GSE1: variants seen among roughly 807,000 people sequenced by gnomAD.
The protein encoded by GSE1 is Gse1 coiled-coil protein.
Under a neutral mutation model 112.6 loss-of-function variants are expected in GSE1, and 32 were observed. That is an observed-to-expected ratio of 0.28 (90% CI 0.21 to 0.38). The LOEUF (loss-of-function observed/expected upper bound fraction) is 0.38. Ranked by LOEUF, GSE1 falls within the 10% of genes least tolerant of loss-of-function variation. The pLI is 1.00. For synonymous variants in GSE1, 1,115 were observed against 735.6 expected (o/e 1.52, Z -8.35); for missense variants, 2,348 against 1,699.2 (o/e 1.38, Z -6.71).
At chr16:85,610,680 GC>G (rs1269893993), upstream of GSE1, among the ~76,000 whole-genome samples, 3 of 152,222 alleles carry the variant, frequency 2.0e-5, no homozygotes, top group South Asian at 2.1e-4. Flanking sequence ...GCTCGCTGCT[GC>G]CCCCCGGCGG....
At chr16:85,320,925 A>C (rs1259991376) in intron 1 of GSE1, among the ~76,000 whole-genome samples, 1 of 151,834 alleles carries the variant, frequency 6.6e-6, no homozygotes, top group African/African-American at 2.4e-5. Context: ...TCCCTTCCTC[A>C]CTTCTTCTAG....
chr16:85,467,411 T>A (rs1481629975), intron 2 of GSE1, among the ~76,000 whole-genome samples: 3 of 152,180 alleles, frequency 2.0e-5, no homozygotes, highest in Non-Finnish European at 4.4e-5. Flanking sequence ...AACACAAATT[T>A]TGTTTGCTGG....
chr16:85,562,746 T>C (rs2045579560), intron 1 of GSE1, among the ~76,000 whole-genome samples: 1 of 152,094 alleles, frequency 6.6e-6, no homozygotes, highest in African/African-American at 2.4e-5. Context: ...CCCAGGGGGG[T>C]TCCCTCTCAC....
At chr16:85,658,848 C>G (rs1251235860) in intron 8 of GSE1, among the ~76,000 whole-genome samples, 1 of 152,232 alleles carries the variant, frequency 6.6e-6, no homozygotes, top group Non-Finnish European at 1.5e-5. Context: ...GGTGTTGTGA[C>G]TTTGCCCACC....
chr16:85,618,071 G>A (rs935235748), intron 1 of GSE1, among the ~76,000 whole-genome samples: 14 of 152,120 alleles, frequency 9.2e-5, no homozygotes, highest in African/African-American at 3.4e-4. Context: ...AGTCCCACTG[G>A]CATGGGTGGA....
At chr16:85,672,381 T>G in intron 15 of GSE1, 24 bp from the exon 16 acceptor site, 1 of 1,595,610 alleles carries the variant, frequency 6.3e-7, no homozygotes. Flanking sequence ...GGGTTGGTTT[T>G]GACACAAATT....
intron 1 of GSE1, among the ~76,000 whole-genome samples, chr16:85,557,212 C>T (rs912600240): frequency 5.3e-5 from 8 of 152,214 alleles, no homozygotes; most frequent in African/African-American, 1.7e-4. Context: ...GCGCCGTCAC[C>T]CCCACTCCTG....
intron 2 of GSE1, among the ~76,000 whole-genome samples, chr16:85,379,939 C>T (rs924279661): frequency 1.4e-4 from 22 of 152,314 alleles, no homozygotes; most frequent in Middle Eastern, 6.8e-3. Flanking sequence ...CTGCCCCAGA[C>T]AACATCTACC....
intron 1 of GSE1, among the ~76,000 whole-genome samples, chr16:85,356,718 T>C (rs12927289): frequency 0.2 from 29,828 of 152,240 alleles, 3,647 homozygotes; most frequent in Non-Finnish European, 0.29. Flanking sequence ...TCTGGAACTC[T>C]TAGGCTCAAG....
At chr16:85,189,294 T>G (rs111904077) in intron 1 of GSE1, among the ~76,000 whole-genome samples, 280 of 152,330 alleles carry the variant, frequency 1.8e-3, no homozygotes, top group African/African-American at 6.4e-3. Context: ...CATGTTGTCT[T>G]CTGATTGACT....
At chr16:85,559,676 C>T (rs1445425938) in intron 1 of GSE1, among the ~76,000 whole-genome samples, 1 of 152,164 alleles carries the variant, frequency 6.6e-6, no homozygotes, top group Non-Finnish European at 1.5e-5. Flanking sequence ...TGAGCTGTGT[C>T]CTTGGGCGGG....
At chr16:85,637,605 C>T (rs1048474208) in intron 2 of GSE1, among the ~76,000 whole-genome samples, 1 of 152,194 alleles carries the variant, frequency 6.6e-6, no homozygotes, top group African/African-American at 2.4e-5. Context: ...GTGCTTCTCA[C>T]ACACCCTTCG....
At chr16:85,511,058 T>C (rs1453633492) in intron 2 of GSE1, among the ~76,000 whole-genome samples, 1 of 152,238 alleles carries the variant, frequency 6.6e-6, no homozygotes, top group Non-Finnish European at 1.5e-5. Flanking sequence ...GCGCTCTTGT[T>C]TCTTCACTCC....
At chr16:85,190,674 A>C (rs1240274330) in intron 1 of GSE1, among the ~76,000 whole-genome samples, 1 of 152,266 alleles carries the variant, frequency 6.6e-6, no homozygotes, top group African/African-American at 2.4e-5. Flanking sequence ...AGGCTGAGGC[A>C]GAATGCCAGT....
chr16:85,194,686 C>A (rs1449636147), intron 1 of GSE1, among the ~76,000 whole-genome samples: 1 of 152,166 alleles, frequency 6.6e-6, no homozygotes, highest in African/African-American at 2.4e-5. Context: ...GCTTTGGCTG[C>A]AGGACTTATC....
chr16:85,397,134 T>A (rs60906934), intron 2 of GSE1, among the ~76,000 whole-genome samples: 3,008 of 152,318 alleles, frequency 0.02, 82 homozygotes, highest in African/African-American at 0.067. Flanking sequence ...CCATCTCCTC[T>A]GTGAAGTCCT....
chr16:85,626,730 G>A (rs537873337), intron 1 of GSE1, among the ~76,000 whole-genome samples: 7 of 152,306 alleles, frequency 4.6e-5, no homozygotes, highest in South Asian at 2.1e-4. Flanking sequence ...GTCTGGTGCC[G>A]GGGAAGAGCC....
intron 2 of GSE1, among the ~76,000 whole-genome samples, chr16:85,525,405 C>T: frequency 6.6e-6 from 1 of 152,328 alleles, no homozygotes; most frequent in Middle Eastern, 3.4e-3. Context: ...CTGTCATCTC[C>T]CCAGCGTTGG....
intron 1 of GSE1, among the ~76,000 whole-genome samples, chr16:85,269,051 C>T (rs1001600493): frequency 6.7e-6 from 1 of 149,278 alleles, no homozygotes; most frequent in East Asian, 1.9e-4. Context: ...GGACAGTGAC[C>T]CTGGGGTGGG....
Sources: allele counts gnomAD v4.1 joint callset (sites outside exome capture counted in the v4.1 genomes callset), GRCh38; gene constraint gnomAD v4.1.1; transcripts MANE v1.5; gene names NCBI Gene and HGNC (gene_info 2026-07-23, HGNC 2026-07-21).